TTC28: variants seen among roughly 807,000 people sequenced by gnomAD.
TTC28 encodes tetratricopeptide repeat protein 28.
Under a neutral mutation model 198.0 loss-of-function variants are expected in TTC28, and 61 were observed. The ratio of observed to expected loss-of-function variants is 0.31; its 90% confidence interval spans 0.25 to 0.38. The LOEUF (loss-of-function observed/expected upper bound fraction) is 0.38. Among genes scored for constraint, TTC28 ranks in the 10% least tolerant of loss-of-function variants. TTC28 has a pLI of 1.00. For missense variants in TTC28, 2,678 were observed against 3,164.0 expected (o/e 0.85, Z 3.69); for synonymous variants, 1,171 against 1,297.8 (o/e 0.90, Z 2.10).
chr22:28,476,781 G>A (rs1368658564), intron 2 of TTC28, among the ~76,000 whole-genome samples: 3 of 152,054 alleles, frequency 2.0e-5, no homozygotes, highest in African/African-American at 7.2e-5. Context: ...TTAAGTATTT[G>A]CTCAAGAAAA....
At chr22:28,578,666 C>T (rs1326495751) in intron 2 of TTC28, among the ~76,000 whole-genome samples, 2 of 152,126 alleles carry the variant, frequency 1.3e-5, no homozygotes, top group Non-Finnish European at 2.9e-5. Context: ...GAAAGACAGT[C>T]CTGAATTGCC....
intron 2 of TTC28, among the ~76,000 whole-genome samples, chr22:28,522,707 G>A (rs1339618740): frequency 6.6e-6 from 1 of 152,020 alleles, no homozygotes; most frequent in Non-Finnish European, 1.5e-5. Context: ...AAGGTATGAA[G>A]TACCAATACA....
At chr22:28,361,831 C>T (rs2046163812) in intron 2 of TTC28, among the ~76,000 whole-genome samples, 1 of 152,178 alleles carries the variant, frequency 6.6e-6, no homozygotes, top group Non-Finnish European at 1.5e-5. Context: ...TTCTGAAAAT[C>T]CTAGGGCCTT....
chr22:28,596,560 A>G (rs1438798375), intron 2 of TTC28, among the ~76,000 whole-genome samples: 2 of 152,200 alleles, frequency 1.3e-5, no homozygotes, highest in Non-Finnish European at 2.9e-5. Flanking sequence ...TGTTTAATAA[A>G]TTACTTTTTA....
chr22:28,467,294 C>T (rs938540553), intron 2 of TTC28, among the ~76,000 whole-genome samples: 5 of 152,082 alleles, frequency 3.3e-5, no homozygotes, highest in African/African-American at 1.2e-4. Context: ...GTTGGTGGTG[C>T]ACATCTGTGG....
chr22:28,249,953 T>A (rs1480343236), intron 5 of TTC28, among the ~76,000 whole-genome samples: 3 of 152,190 alleles, frequency 2.0e-5, no homozygotes, highest in Non-Finnish European at 4.4e-5. Context: ...CTCCTCTTAT[T>A]GTGATTAAAA....
intron 2 of TTC28, among the ~76,000 whole-genome samples, chr22:28,507,443 TGAAA>T (rs2048628751): frequency 6.6e-6 from 1 of 152,150 alleles, no homozygotes; most frequent in Non-Finnish European, 1.5e-5. Flanking sequence ...CTGGGGTTCC[TGAAA>T]GAGACAGGGA....
In TTC28 at chr22:28,100,386, A is replaced by G. The variant is rs143180140; in HGVS notation, c.3417+785T>C. ...TTAAGGATCAAATTCACTGAGCTATAATAAGTACTTTGAAAATTGCAAATC... is the reference window on the plus strand; with the variant it reads ...TTAAGGATCAAATTCACTGAGCTATGATAAGTACTTTGAAAATTGCAAATC... On this transcript the variant is annotated intron_variant, in intron 9 of 22. Transcript: ENST00000397906. Among the ~76,000 whole-genome samples the G allele has an allele frequency of 7.9e-5, 12 of 152,388 alleles. No individual in the cohort carries two copies. In the East Asian group the frequency reaches 2.3e-3, roughly 29 times the overall value.
At chr22:28,390,910 G>C (rs978545634) in intron 2 of TTC28, among the ~76,000 whole-genome samples, 28 of 151,932 alleles carry the variant, frequency 1.8e-4, no homozygotes, top group African/African-American at 4.8e-4. Flanking sequence ...TTATTTTGCT[G>C]GTTAGTTGAT....
intron 2 of TTC28, among the ~76,000 whole-genome samples, chr22:28,439,689 A>G (rs1177752131): frequency 1.3e-5 from 2 of 152,240 alleles, no homozygotes; most frequent in African/African-American, 4.8e-5. Context: ...AAAGATGACT[A>G]GCATAGAACA....
At position 27,978,683 on chromosome 22, in the gene TTC28, G is replaced by A. The variant is rs1936923543; in HGVS notation, c.*3538C>T. Reference sequence around the variant, plus strand: ...ATGGAGGTGAAAACTTTCATTTTGTGTTGCACATCAGTGTGGATCAAAATG... The same window carrying A: ...ATGGAGGTGAAAACTTTCATTTTGTATTGCACATCAGTGTGGATCAAAATG... On this transcript the variant is annotated 3_prime_UTR_variant, in exon 23 of 23. Transcript: ENST00000397906. 1 of 152,214 alleles carries A rather than the reference G, an allele frequency of 6.6e-6. No homozygotes were observed. The highest frequency in any genetic ancestry group is 6.5e-5 in the Admixed American group (1 of 15,290). The allele number at this position is 152,214 out of a possible 1,614,324, so 9.4% of individuals were successfully genotyped here.
In TTC28 at chr22:28,629,578, G is replaced by A. The variant is rs1354628157; in HGVS notation, c.355C>T (p.Arg119Ter). ...DKALDDAIKA[R>*]LLNPKWPKAY... ...TTTGGCCACTTGGGATTGAGAAGTC[G>A]AGCTTTGATTGCATCATCCAGTGCC... The change falls in exon 2 of 23, where the codon CGA (arginine) becomes TGA (stop). Residue 119 changes from arginine (R) to a stop codon, truncating the protein, a stop_gained. Transcript: ENST00000397906. LOFTEE classifies it high-confidence loss of function. 6.4e-7 allele frequency: 1 copy of A among 1,551,116 alleles called. No individual in the cohort carries two copies. Among genetic ancestry groups the A allele is most frequent in the Non-Finnish European group, 8.7e-7 (1 of 1,146,736 alleles).
At chr22:27,997,550 T>C (rs1937574186) in intron 16 of TTC28, 1 of 152,224 alleles carries the variant, frequency 6.6e-6, no homozygotes, top group Admixed American at 6.5e-5. Context: ...ACTGGATTTA[T>C]GCTAAGAAAA....
chr22:28,347,286 C>CA, intron 2 of TTC28, among the ~76,000 whole-genome samples: 1 of 144,094 alleles, frequency 6.9e-6, no homozygotes, highest in East Asian at 2.1e-4. Context: ...AAAAAAAAAA[C>CA]AAAAAAAGAA....
intron 5 of TTC28, among the ~76,000 whole-genome samples, chr22:28,247,910 T>C (rs1018080446): frequency 2.6e-5 from 4 of 152,300 alleles, no homozygotes; most frequent in Admixed American, 6.5e-5. Flanking sequence ...TTAAGTAAGG[T>C]AGGCACATGG....
At chr22:28,389,698 T>A (rs1371445307) in intron 2 of TTC28, among the ~76,000 whole-genome samples, 1 of 150,008 alleles carries the variant, frequency 6.7e-6, no homozygotes, top group Non-Finnish European at 1.5e-5. Flanking sequence ...ATCCCCTTTA[T>A]CATTTTTTAT....
intron 12 of TTC28, among the ~76,000 whole-genome samples, chr22:28,074,748 C>A (rs540623644): frequency 1.8e-4 from 24 of 132,226 alleles, no homozygotes; most frequent in Non-Finnish European, 3.3e-4. Context: ...CCAGATTATC[C>A]CCCCCCATGT....
rs993313192 is a variant in TTC28, at chr22:28,297,760, T to A, written c.622A>T (p.Thr208Ser). The stretch of plus-strand genomic sequence containing the variant: ...ACAGAGGCCCCATGATGGCCAGCTG[T>A]CAGGAGTTCCTGCCCAACCACAGAC... ...VVSVVGQELL[T>S]AGHHGASVVV... Residue 208 changes from threonine to serine, a missense_variant, in exon 4 of 23, where the codon ACA (threonine) becomes TCA (serine). Thr to Ser is a moderately conservative substitution (Grantham distance 58). Transcript: ENST00000397906. 1 of 1,551,666 alleles carries A rather than the reference T, an allele frequency of 6.4e-7. No individual in the cohort carries two copies. The highest frequency in any genetic ancestry group is 2.0e-5 in the Admixed American group (1 of 51,000).
At chr22:28,114,904 T>G (rs562337868) in intron 6 of TTC28, among the ~76,000 whole-genome samples, 2 of 152,278 alleles carry the variant, frequency 1.3e-5, no homozygotes, top group African/African-American at 4.8e-5. Flanking sequence ...TATTTTTAAA[T>G]GCAGGTAATT....
Sources: allele counts gnomAD v4.1 joint callset (sites outside exome capture counted in the v4.1 genomes callset), GRCh38; gene constraint gnomAD v4.1.1; transcripts MANE v1.5; gene names NCBI Gene and HGNC (gene_info 2026-07-23, HGNC 2026-07-21).